Variants in TCF7L2 observed in about 807,000 individuals in gnomAD.
TCF7L2 encodes transcription factor 7-like 2.
TCF7L2 carries 23 observed loss-of-function variants against 77.9 expected under a neutral mutation model. The observed-to-expected ratio is 0.30, with a 90% CI of 0.21 to 0.42. The LOEUF (loss-of-function observed/expected upper bound fraction) is 0.42. Among genes scored for constraint, TCF7L2 ranks in the 10% least tolerant of loss-of-function variants. TCF7L2 has a pLI of 1.00. For missense variants in TCF7L2, 654 were observed against 793.1 expected (o/e 0.82, Z 2.11); for synonymous variants, 413 against 340.2 (o/e 1.21, Z -2.36).
At chr10:113,044,701 A>T (rs987401872) in intron 5 of TCF7L2, among the ~76,000 whole-genome samples, 2 of 152,208 alleles carry the variant, frequency 1.3e-5, no homozygotes, top group Non-Finnish European at 2.9e-5. Context: ...TGAAGGCTTG[A>T]TTGGGGTTGG....
At chr10:113,049,653 C>T (rs2054072258) in intron 5 of TCF7L2, among the ~76,000 whole-genome samples, 1 of 152,136 alleles carries the variant, frequency 6.6e-6, no homozygotes, top group Non-Finnish European at 1.5e-5. Flanking sequence ...TTTGAGAGGG[C>T]CTTTGAAAGC....
intron 8 of TCF7L2, among the ~76,000 whole-genome samples, chr10:113,146,367 A>G (rs2069393004): frequency 6.6e-6 from 1 of 152,256 alleles, no homozygotes; most frequent in Admixed American, 6.5e-5. Flanking sequence ...AACAGGACAG[A>G]AGCTTTTAAA....
At chr10:113,101,857 A>AAAAAAAAAAAT (rs2061681030) in intron 5 of TCF7L2, among the ~76,000 whole-genome samples, 3 of 143,624 alleles carry the variant, frequency 2.1e-5, no homozygotes, top group Non-Finnish European at 4.6e-5. Flanking sequence ...AAAAAAAAAA[A>AAAAAAAAAAAT]GAGAGGTGTG....
chr10:112,990,727 T>C (rs1488805309), intron 4 of TCF7L2, among the ~76,000 whole-genome samples: 3 of 151,758 alleles, frequency 2.0e-5, no homozygotes, highest in Admixed American at 2.0e-4. Context: ...AATAAATAAA[T>C]AAAAAATAAA....
intron 4 of TCF7L2, among the ~76,000 whole-genome samples, chr10:113,038,343 C>CA (rs1373183295): frequency 6.8e-4 from 103 of 152,276 alleles, no homozygotes; most frequent in Admixed American, 1.5e-3. Flanking sequence ...CTAGGTTGCT[C>CA]ACCACGGGAG....
At chr10:113,156,414 C>T (rs907433264) in intron 11 of TCF7L2, among the ~76,000 whole-genome samples, 5 of 152,192 alleles carry the variant, frequency 3.3e-5, no homozygotes, top group East Asian at 3.9e-4. Context: ...GCACCTGGAC[C>T]TCAAGTTTCT....
chr10:113,024,835 G>A (rs1467892368), intron 4 of TCF7L2, among the ~76,000 whole-genome samples: 1 of 152,066 alleles, frequency 6.6e-6, no homozygotes, highest in Non-Finnish European at 1.5e-5. Context: ...AGCCAGGCTG[G>A]TCTCGAACTC....
At chr10:113,161,496 T>A in intron 13 of TCF7L2, 1 of 1,446,938 alleles carries the variant, frequency 6.9e-7, no homozygotes, top group South Asian at 1.2e-5. Context: ...GGTGGAGGGA[T>A]ACCGACTAGC....
chr10:112,972,837 A>G (rs1192809567), intron 4 of TCF7L2, among the ~76,000 whole-genome samples: 1 of 152,236 alleles, frequency 6.6e-6, no homozygotes, highest in Admixed American at 6.5e-5. Context: ...AGTTACTGGT[A>G]TTATCACCAT....
chr10:113,125,078 G>A (rs2065362604), intron 5 of TCF7L2, among the ~76,000 whole-genome samples: 1 of 152,086 alleles, frequency 6.6e-6, no homozygotes, highest in Non-Finnish European at 1.5e-5. Flanking sequence ...GAATAAGGGT[G>A]GAAAGAGCTG....
intron 4 of TCF7L2, among the ~76,000 whole-genome samples, chr10:113,028,485 A>G (rs899689922): frequency 6.6e-6 from 1 of 152,174 alleles, no homozygotes; most frequent in Non-Finnish European, 1.5e-5. Context: ...GAATTTGACA[A>G]TAAAAATTTG....
intron 4 of TCF7L2, among the ~76,000 whole-genome samples, chr10:113,014,147 A>G (rs2046935868): frequency 6.6e-6 from 1 of 152,220 alleles, no homozygotes; most frequent in African/African-American, 2.4e-5. Context: ...GGGTGGTTAG[A>G]CAGGGAATGG....
chr10:113,083,311 TACTCACACCTTGCC>T (rs996698758), intron 5 of TCF7L2, among the ~76,000 whole-genome samples: 28 of 148,744 alleles, frequency 1.9e-4, no homozygotes, highest in Non-Finnish European at 2.7e-4. Flanking sequence ...TGTGGGCCCA[TACTCACACCTTGCC>T]ACTCACACCT....
At chr10:112,957,308 CT>C (rs1293566577) in intron 3 of TCF7L2, among the ~76,000 whole-genome samples, 12 of 149,100 alleles carry the variant, frequency 8.0e-5, no homozygotes, top group Admixed American at 2.7e-4. Flanking sequence ...TGATGTTCCC[CT>C]GAGTGGAAGG....
At chr10:113,032,557 T>G (rs560524746) in intron 4 of TCF7L2, among the ~76,000 whole-genome samples, 1 of 152,192 alleles carries the variant, frequency 6.6e-6, no homozygotes, top group Non-Finnish European at 1.5e-5. Context: ...CCCTTCACCA[T>G]GTACTTTGAG....
In TCF7L2 at chr10:113,034,679, T is replaced by A. The variant is rs538452236; in HGVS notation, c.451-5346T>A. On this transcript the variant is annotated intron_variant, in intron 4 of 13. Coordinates refer to ENST00000627217, the MANE Select transcript of TCF7L2 (RefSeq NM_001146274.2). ...GGGAGGCTGAGGTGGGAGGGTCATC[T>A]GAGGTCAGGAGTTTGAGACCAGCCT... 2.0e-5 allele frequency among the ~76,000 whole-genome samples: 3 copies of A among 152,288 alleles called. No homozygotes were observed. In the South Asian group the frequency reaches 6.2e-4, roughly 32 times the overall value.
At chr10:113,106,571 T>C (rs1056935951) in intron 5 of TCF7L2, among the ~76,000 whole-genome samples, 1 of 152,194 alleles carries the variant, frequency 6.6e-6, no homozygotes, top group Non-Finnish European at 1.5e-5. Flanking sequence ...GGTGTTGATA[T>C]GATGATCAGG....
intron 13 of TCF7L2, among the ~76,000 whole-genome samples, chr10:113,162,869 C>T (rs934740733): frequency 6.6e-6 from 1 of 152,066 alleles, no homozygotes; most frequent in African/African-American, 2.4e-5. Context: ...TCTAAGAGGC[C>T]ACTCCTCTGA....
At chr10:112,964,727 ATGATGATGATGATGG>A in intron 4 of TCF7L2, 103 bp downstream of exon 4, 1 of 824,442 alleles carries the variant, frequency 1.2e-6, no homozygotes, top group Non-Finnish European at 1.8e-6. Context: ...GATGATGATG[ATGATGATGATGATGG>A]TGGTGGTGGT....
Sources: allele counts gnomAD v4.1 joint callset (sites outside exome capture counted in the v4.1 genomes callset), GRCh38; gene constraint gnomAD v4.1.1; transcripts MANE v1.5; gene names NCBI Gene and HGNC (gene_info 2026-07-23, HGNC 2026-07-21).